ADORA2B: variants seen among roughly 807,000 people sequenced by gnomAD.
ADORA2B encodes the protein adenosine receptor A2b.
ADORA2B carries 18 observed loss-of-function variants against 20.8 expected under a neutral mutation model. The ratio of observed to expected loss-of-function variants is 0.87; its 90% CI spans 0.60 to 1.29. The LOEUF is 1.29. ADORA2B is among the 50% of genes most tolerant of loss of function. The pLI is 0.00. For synonymous variants in ADORA2B, 179 were observed against 178.3 expected (o/e 1.00, Z -0.03); for missense variants, 441 against 422.7 (o/e 1.04, Z -0.38).
the ADORA2B span, among the ~76,000 whole-genome samples, chr17:15,862,289 C>T: frequency 1.4e-5 from 2 of 144,756 alleles, no homozygotes; most frequent in East Asian, 2.1e-4. Flanking sequence ...GATCTGGGCT[C>T]ACTGCAACCT....
At chr17:15,874,054 ATATATGTGTGTGTG>A in the ADORA2B span, among the ~76,000 whole-genome samples, 1 of 118,222 alleles carries the variant, frequency 8.5e-6, no homozygotes, top group African/African-American at 3.4e-5. Context: ...ATATATATAT[ATATATGTGTGTGTG>A]TATATATATA....
At chr17:15,903,354 A>G in the ADORA2B span, among the ~76,000 whole-genome samples, 2 of 152,224 alleles carry the variant, frequency 1.3e-5, no homozygotes, top group African/African-American at 2.4e-5. Context: ...AATGGAAAAT[A>G]TATATTATTT....
At chr17:15,954,661 G>A (rs1477800071) in intron 1 of ADORA2B, among the ~76,000 whole-genome samples, 1 of 152,170 alleles carries the variant, frequency 6.6e-6, no homozygotes, top group African/African-American at 2.4e-5. Context: ...CAGCCCTTTG[G>A]GAGGCTGAGG....
the ADORA2B span, among the ~76,000 whole-genome samples, chr17:15,867,213 T>G: frequency 5.3e-5 from 8 of 151,660 alleles, no homozygotes; most frequent in Non-Finnish European, 5.9e-5. Flanking sequence ...CCACCCCGTC[T>G]GGGAAGTGAG....
intron 1 of ADORA2B, among the ~76,000 whole-genome samples, chr17:15,968,938 G>A (rs527716200): frequency 2.0e-5 from 3 of 152,258 alleles, no homozygotes; most frequent in African/African-American, 4.8e-5. Context: ...TTGGTTGTGC[G>A]GTTCCTCCCC....
chr17:15,952,243 T>C (rs113477837), intron 1 of ADORA2B, among the ~76,000 whole-genome samples: 8 of 152,092 alleles, frequency 5.3e-5, no homozygotes, highest in African/African-American at 1.9e-4. Context: ...CAGGGACAGA[T>C]ATGGGGAAGT....
At chr17:15,874,054 ATATATGTG>A in the ADORA2B span, among the ~76,000 whole-genome samples, 1,545 of 118,224 alleles carry the variant, frequency 0.013, 37 homozygotes, top group African/African-American at 0.05. Context: ...ATATATATAT[ATATATGTG>A]TGTGTGTATA....
chr17:15,908,324 G>A, the ADORA2B span, among the ~76,000 whole-genome samples: 4 of 152,274 alleles, frequency 2.6e-5, no homozygotes, highest in African/African-American at 7.2e-5. Context: ...CAGGTCTTCC[G>A]TTTTTGGAAA....
chr17:15,908,580 G>T, the ADORA2B span: 1 of 194,076 alleles, frequency 5.2e-6, no homozygotes, highest in East Asian at 1.3e-4. Context: ...CGGCCTGACT[G>T]GTAGAGCATG....
intron 1 of ADORA2B, among the ~76,000 whole-genome samples, chr17:15,966,014 CAAT>C (rs1279774285): frequency 6.6e-6 from 1 of 152,228 alleles, no homozygotes; most frequent in African/African-American, 2.4e-5. Context: ...GCTCTAGTGA[CAAT>C]GTTTTGTAGG....
the ADORA2B span, among the ~76,000 whole-genome samples, chr17:15,934,462 G>T: frequency 1.3e-5 from 2 of 152,034 alleles, no homozygotes; most frequent in East Asian, 3.9e-4. Flanking sequence ...CTGACCTTGT[G>T]ATCTGCCCAC....
the ADORA2B span, among the ~76,000 whole-genome samples, chr17:15,893,546 T>C: frequency 6.8e-6 from 1 of 146,188 alleles, no homozygotes; most frequent in Non-Finnish European, 1.5e-5. Flanking sequence ...TACTGATAAG[T>C]TCCTTTCACT....
At chr17:15,889,888 ACT>A in the ADORA2B span, among the ~76,000 whole-genome samples, 2 of 128,936 alleles carry the variant, frequency 1.6e-5, 1 homozygote, top group African/African-American at 6.6e-5. Context: ...ACAGAGCAAG[ACT>A]CTGTCTCAAT....
chr17:15,935,272 C>G, the ADORA2B span, among the ~76,000 whole-genome samples: 1 of 150,704 alleles, frequency 6.6e-6, no homozygotes, highest in Non-Finnish European at 1.5e-5. Context: ...TTTTGTTTAT[C>G]TACTCTCTTA....
the ADORA2B span, among the ~76,000 whole-genome samples, chr17:15,914,877 C>A: frequency 6.6e-6 from 1 of 152,234 alleles, no homozygotes; most frequent in Non-Finnish European, 1.5e-5. Context: ...ATCCTAACTT[C>A]TTAGGCAACT....
the ADORA2B span, among the ~76,000 whole-genome samples, chr17:15,882,385 C>A: frequency 1.2e-4 from 19 of 152,172 alleles, no homozygotes; most frequent in Non-Finnish European, 5.9e-5. Flanking sequence ...AGGGGACTCA[C>A]AAGGTGGGCT....
chr17:15,867,936 A>C, the ADORA2B span, among the ~76,000 whole-genome samples: 94 of 151,542 alleles, frequency 6.2e-4, 1 homozygote, highest in African/African-American at 2.2e-3. Flanking sequence ...GAAAGGGGGG[A>C]AAGGTGGGGA....
intron 1 of ADORA2B, among the ~76,000 whole-genome samples, chr17:15,967,782 T>A (rs556813308): frequency 2.6e-5 from 4 of 152,184 alleles, no homozygotes; most frequent in Non-Finnish European, 4.4e-5. Flanking sequence ...GGAACCTCCA[T>A]GTGTTTGGCT....
the ADORA2B span, among the ~76,000 whole-genome samples, chr17:15,860,134 T>C: frequency 1.3e-5 from 2 of 152,168 alleles, no homozygotes; most frequent in Non-Finnish European, 1.5e-5. Flanking sequence ...CCCTGCTTGC[T>C]CAATCGATCA....
Sources: allele counts gnomAD v4.1 joint callset (sites outside exome capture counted in the v4.1 genomes callset), GRCh38; gene constraint gnomAD v4.1.1; transcripts MANE v1.5; gene names NCBI Gene and HGNC (gene_info 2026-07-23, HGNC 2026-07-21).